The following CDH9 variants were observed in gnomAD, a reference collection of about 807,000 sequenced individuals.
CDH9 encodes cadherin-9.
CDH9 carries 28 observed loss-of-function variants against 70.9 expected under a neutral mutation model. The ratio of observed to expected loss-of-function variants is 0.40; its 90% CI spans 0.29 to 0.54. CDH9 has a LOEUF of 0.54. Among genes scored for constraint, CDH9 ranks in the 20% least tolerant of loss-of-function variants. The probability of loss-of-function intolerance (pLI) is 0.59; values close to 1 mark genes in which losing one functional copy is unlikely to be tolerated. For synonymous variants in CDH9, 409 were observed against 343.1 expected, an observed-to-expected ratio of 1.19 and a Z score of -2.12; for missense variants, 874 against 984.4, an observed-to-expected ratio of 0.89 and a Z score of 1.50.
chr5:27,014,635 T>C (rs571487177), intron 1 of CDH9, among the ~76,000 whole-genome samples: 45 of 152,012 alleles, frequency 3.0e-4, no homozygotes, highest in African/African-American at 1.0e-3. Context: ...ACATCATACT[T>C]ATATACCAGA....
intron 7 of CDH9, among the ~76,000 whole-genome samples, chr5:26,891,988 C>T (rs1386038099): frequency 7.9e-5 from 12 of 152,104 alleles, no homozygotes; most frequent in Non-Finnish European, 1.5e-5. Flanking sequence ...CTAGAATATA[C>T]GGAAAGAAAT....
intron 7 of CDH9, 88 bp from the exon 8 acceptor site, chr5:26,890,652 G>T: frequency 2.2e-6 from 2 of 901,466 alleles, no homozygotes; most frequent in Non-Finnish European, 3.5e-6. Context: ...TTTCCACAAT[G>T]ATCTGACAAA....
At chr5:26,911,233 G>A (rs1028752263) in intron 3 of CDH9, among the ~76,000 whole-genome samples, 7 of 152,078 alleles carry the variant, frequency 4.6e-5, no homozygotes, top group Admixed American at 1.3e-4. Context: ...GGGCCTTGGC[G>A]TACATAGAAG....
chr5:26,967,066 G>A (rs1742142275), intron 2 of CDH9, among the ~76,000 whole-genome samples: 1 of 151,898 alleles, frequency 6.6e-6, no homozygotes, highest in South Asian at 2.1e-4. Flanking sequence ...CCAAGTAGCT[G>A]GGACCACATA....
At chr5:26,928,626 G>A (rs569502009) in intron 2 of CDH9, among the ~76,000 whole-genome samples, 28 of 152,062 alleles carry the variant, frequency 1.8e-4, no homozygotes, top group Middle Eastern at 3.4e-3. Flanking sequence ...GAATAGCTTC[G>A]TACTGGTGTA....
intron 11 of CDH9, among the ~76,000 whole-genome samples, chr5:26,883,121 G>T (rs1479306241): frequency 8.0e-5 from 10 of 124,828 alleles, no homozygotes; most frequent in African/African-American, 2.4e-4. Flanking sequence ...TGAGACCTCT[G>T]TACTCTTCTT....
intron 2 of CDH9, among the ~76,000 whole-genome samples, chr5:26,922,598 T>C (rs1424199288): frequency 6.6e-6 from 1 of 150,924 alleles, no homozygotes; most frequent in East Asian, 1.9e-4. Flanking sequence ...CTAAAGGGAG[T>C]TCCTTAATGT....
At chr5:26,959,652 C>A (rs940927067) in intron 2 of CDH9, among the ~76,000 whole-genome samples, 8 of 151,996 alleles carry the variant, frequency 5.3e-5, no homozygotes, top group Non-Finnish European at 7.4e-5. Flanking sequence ...TCAATTTATA[C>A]AATGGAATAT....
At chr5:27,004,371 G>T (rs1353163659) in intron 1 of CDH9, among the ~76,000 whole-genome samples, 11 of 152,126 alleles carry the variant, frequency 7.2e-5, no homozygotes, top group Non-Finnish European at 1.5e-4. Context: ...TGAAGGGACA[G>T]CAGGATTTCA....
intron 2 of CDH9, among the ~76,000 whole-genome samples, chr5:26,926,140 G>A (rs1051392753): frequency 7.9e-5 from 12 of 152,128 alleles, no homozygotes; most frequent in African/African-American, 2.4e-4. Flanking sequence ...TAGGAAAAGA[G>A]GAAGTCAAAT....
At chr5:26,996,407 G>A (rs1742666278) in intron 1 of CDH9, among the ~76,000 whole-genome samples, 1 of 151,898 alleles carries the variant, frequency 6.6e-6, no homozygotes, top group Non-Finnish European at 1.5e-5. Flanking sequence ...TAATTTTGTG[G>A]TTTTGGAAAA....
chr5:26,969,069 T>A (rs192896028), intron 2 of CDH9, among the ~76,000 whole-genome samples: 1 of 152,290 alleles, frequency 6.6e-6, no homozygotes, highest in Non-Finnish European at 1.5e-5. Flanking sequence ...CCTCATATCA[T>A]TTATGTAGTT....
At chr5:26,886,234 A>T in intron 9 of CDH9, 151 bp from the exon 10 acceptor site, 1 of 955,050 alleles carries the variant, frequency 1.0e-6, no homozygotes, top group Admixed American at 3.5e-5. Context: ...AAATTATGCC[A>T]ATGTCTTATT....
At chr5:27,035,243 T>C (rs1047910909) in intron 1 of CDH9, among the ~76,000 whole-genome samples, 3 of 150,526 alleles carry the variant, frequency 2.0e-5, no homozygotes, top group African/African-American at 7.3e-5. Context: ...GCCTCTGCTT[T>C]AGTATGTGTC....
At chr5:26,912,639 A>C (rs1741074014) in intron 3 of CDH9, among the ~76,000 whole-genome samples, 1 of 152,048 alleles carries the variant, frequency 6.6e-6, no homozygotes, top group South Asian at 2.1e-4. Flanking sequence ...AAAGATACTA[A>C]TTTACAGGAG....
chr5:27,002,755 T>C (rs1742793066), intron 1 of CDH9, among the ~76,000 whole-genome samples: 1 of 151,210 alleles, frequency 6.6e-6, no homozygotes, highest in Admixed American at 6.6e-5. Flanking sequence ...GAACATCACA[T>C]ACCAGGGCCT....
intron 2 of CDH9, among the ~76,000 whole-genome samples, chr5:26,956,469 C>T (rs536081641): frequency 3.3e-5 from 5 of 152,270 alleles, no homozygotes; most frequent in African/African-American, 1.2e-4. Flanking sequence ...AAGTACTTAT[C>T]ATTCTTTAAT....
intron 1 of CDH9, among the ~76,000 whole-genome samples, chr5:27,032,322 G>A (rs2112136782): frequency 6.6e-6 from 1 of 151,458 alleles, no homozygotes; most frequent in Non-Finnish European, 1.5e-5. Flanking sequence ...TTAGGCATCT[G>A]AATTCTAAAC....
intron 7 of CDH9, among the ~76,000 whole-genome samples, chr5:26,896,404 G>A (rs1345853908): frequency 6.6e-6 from 1 of 151,296 alleles, no homozygotes; most frequent in Non-Finnish European, 1.5e-5. Context: ...TGTAAAGATT[G>A]TATATATCTC....
Sources: gnomAD v4.1 joint callset for allele counts (sites outside exome capture counted in the v4.1 genomes callset) on GRCh38, gnomAD v4.1.1 for gene constraint, MANE v1.5 for transcripts, NCBI Gene and HGNC (gene_info 2026-07-23, HGNC 2026-07-21) for gene names.